The following KCNN2 variants were observed in gnomAD, a reference collection of about 807,000 sequenced individuals.
The protein encoded by KCNN2 is small conductance calcium-activated potassium channel protein 2.
KCNN2 carries 24 observed loss-of-function variants against 55.5 expected under a neutral mutation model. That is an observed-to-expected ratio of 0.43 (90% CI 0.31 to 0.61). The LOEUF (loss-of-function observed/expected upper bound fraction) is 0.61, where lower values mean the gene tolerates loss of function less well. KCNN2 is among the 20% of genes least tolerant of loss of function. The pLI, the probability that KCNN2 is intolerant of heterozygous loss-of-function variation, is 0.08. For missense variants in KCNN2, 754 were observed against 853.6 expected, an observed-to-expected ratio of 0.88 and a Z score of 1.45; for synonymous variants, 431 against 336.1, an observed-to-expected ratio of 1.28 and a Z score of -3.09.
intron 1 of KCNN2, among the ~76,000 whole-genome samples, chr5:114,204,294 A>G (rs765472175): frequency 3.3e-5 from 5 of 152,220 alleles, no homozygotes; most frequent in Non-Finnish European, 5.9e-5. Flanking sequence ...AAGGAAAATA[A>G]AATTGTTTGC....
At chr5:114,167,441 G>A (rs932898449) in intron 1 of KCNN2, among the ~76,000 whole-genome samples, 2 of 152,086 alleles carry the variant, frequency 1.3e-5, no homozygotes, top group Non-Finnish European at 2.9e-5. Context: ...GAAGTGATCA[G>A]ATGAGAATGC....
chr5:114,435,501 T>C (rs926990122), intron 3 of KCNN2, among the ~76,000 whole-genome samples: 1 of 152,172 alleles, frequency 6.6e-6, no homozygotes, highest in African/African-American at 2.4e-5. Flanking sequence ...CTTCATAGTA[T>C]TCTATCAGGT....
chr5:114,407,076 A>G (rs1758958892), intron 3 of KCNN2, among the ~76,000 whole-genome samples: 1 of 152,050 alleles, frequency 6.6e-6, no homozygotes, highest in Non-Finnish European at 1.5e-5. Flanking sequence ...TTGGTATTCT[A>G]AAATTACACA....
intron 1 of KCNN2, among the ~76,000 whole-genome samples, chr5:114,187,620 C>T (rs571286151): frequency 1.3e-5 from 2 of 150,124 alleles, no homozygotes; most frequent in East Asian, 2.0e-4. Context: ...ATTCTCCTGC[C>T]TCAGCCTCCT....
At chr5:114,252,593 T>G (rs1754888922) in intron 2 of KCNN2, among the ~76,000 whole-genome samples, 1 of 152,166 alleles carries the variant, frequency 6.6e-6, no homozygotes, top group Non-Finnish European at 1.5e-5. Flanking sequence ...AGAATTTCTT[T>G]TCTATTTAGT....
intron 2 of KCNN2, among the ~76,000 whole-genome samples, chr5:114,355,486 G>A (rs1757279699): frequency 6.6e-6 from 1 of 152,160 alleles, no homozygotes; most frequent in Non-Finnish European, 1.5e-5. Context: ...TTTCACCTCA[G>A]TATTTAGGGC....
Position 114,477,316 on chromosome 5 carries a change from T to G in KCNN2, c.1890+4152T>G, listed in dbSNP as rs190269649. Among the ~76,000 whole-genome samples, 7 of 152,332 alleles carry G rather than the reference T, an allele frequency of 4.6e-5. No homozygotes were observed. In the East Asian group the frequency reaches 1.3e-3, roughly 29 times the overall value. On this transcript the variant is annotated intron_variant, in intron 5 of 7. Transcript: ENST00000673685. ...TGTATCTTTAGTGAACTGAACAATT[T>G]CTGTGAAAAATTATTCACTATGTAC...
rs1225763375 is a variant in KCNN2 at position 114,404,530 on chromosome 5, T to C, written c.1311T>C (p.Ala437=). ...TCTGCTTGGAAATACTGGTGTGTGC[T>C]ATTCATCCCATACCTGGGAATTATA... is the stretch of plus-strand genomic sequence containing the variant. ...FFICLEILVC[A]IHPIPGNYTF... is the part of the protein sequence containing the mutation. Residue 437 remains alanine (A), a synonymous_variant, in exon 3 of 8, where the codon GCT becomes GCC. Coordinates refer to ENST00000673685, the MANE Select transcript of KCNN2 (RefSeq NM_021614.4). 6.2e-7 allele frequency: 1 copy of C among 1,613,638 alleles called. No individual in the cohort carries two copies. The highest frequency in any genetic ancestry group is 1.7e-5 in the Admixed American group (1 of 59,996).
chr5:114,122,438 T>A (rs1751845687), intron 1 of KCNN2, among the ~76,000 whole-genome samples: 1 of 152,198 alleles, frequency 6.6e-6, no homozygotes, highest in Non-Finnish European at 1.5e-5. Context: ...ATATATCTCT[T>A]TTCTACTCAT....
rs10579037 is a variant in KCNN2 at position 114,281,625 on chromosome 5, C to CTG, written c.-185+60082_-185+60083dup. On this transcript the variant is annotated intron_variant, in intron 2 of 10. Coordinates refer to the KCNN2 transcript ENST00000512097. ...TCTCTCTCTCCCCGCCCCTCCATCT[C>CTG]TGTGTGTGTGTGTGTGTGTGTGTTT... Among the ~76,000 whole-genome samples, 637 of 145,478 alleles carry CTG rather than the reference C, an allele frequency of 4.4e-3. 3 individuals are homozygous for CTG. The highest frequency in any genetic ancestry group is 7.4e-3 in the Non-Finnish European group (491 of 65,978).
At chr5:114,144,131 A>C (rs1476949939) in intron 1 of KCNN2, among the ~76,000 whole-genome samples, 1 of 152,172 alleles carries the variant, frequency 6.6e-6, no homozygotes, top group African/African-American at 2.4e-5. Flanking sequence ...AACTTAAATT[A>C]CCTTCAGTTC....
At chr5:114,445,301 G>A (rs1373037588) in intron 3 of KCNN2, among the ~76,000 whole-genome samples, 4 of 152,100 alleles carry the variant, frequency 2.6e-5, no homozygotes, top group African/African-American at 9.7e-5. Flanking sequence ...CCTACAACAT[G>A]CCTTACCTCC....
intron 5 of KCNN2, among the ~76,000 whole-genome samples, chr5:114,477,375 G>A (rs181845715): frequency 6.6e-6 from 1 of 152,048 alleles, no homozygotes; most frequent in Non-Finnish European, 1.5e-5. Context: ...TATAAAAGTT[G>A]TTTCTCTGTA....
intron 2 of KCNN2, among the ~76,000 whole-genome samples, chr5:114,293,279 A>C (rs1344631642): frequency 6.6e-6 from 1 of 152,134 alleles, no homozygotes; most frequent in Non-Finnish European, 1.5e-5. Flanking sequence ...CAGTTTTCAA[A>C]GGGAATGCTT....
intron 3 of KCNN2, among the ~76,000 whole-genome samples, chr5:114,411,847 A>T (rs1759145232): frequency 6.6e-6 from 1 of 152,206 alleles, no homozygotes; most frequent in South Asian, 2.1e-4. Context: ...ATGCTTTACC[A>T]GTTCTCTAGG....
Position 114,466,101 on chromosome 5 carries a change from C to T in KCNN2, c.1779+2911C>T, listed in dbSNP as rs146404339. On this transcript the variant is annotated intron_variant, in intron 4 of 7. Transcript: ENST00000673685. ...GAATTAAAGCTTAAGAGACCAAGAT[C>T]TCTTATTATTATTTTTATAAAATAA... Among the ~76,000 whole-genome samples the T allele has an allele frequency of 4.2e-4, 64 of 152,230 alleles. No individual in the cohort carries two copies. In the East Asian group the frequency reaches 0.012, roughly 28 times the overall value.
At chr5:114,186,974 TAAAG>T (rs1753346654) in intron 1 of KCNN2, among the ~76,000 whole-genome samples, 1 of 152,178 alleles carries the variant, frequency 6.6e-6, no homozygotes, top group Admixed American at 6.5e-5. Flanking sequence ...ATGAACATGG[TAAAG>T]AAGTCATAAA....
intron 1 of KCNN2, among the ~76,000 whole-genome samples, chr5:114,214,408 A>G (rs1180377632): frequency 6.6e-6 from 1 of 152,080 alleles, no homozygotes; most frequent in Non-Finnish European, 1.5e-5. Context: ...AGAAATAATG[A>G]ACACCTGGTA....
At chr5:114,081,800 A>G (rs987720172) in intron 1 of KCNN2, among the ~76,000 whole-genome samples, 4 of 152,192 alleles carry the variant, frequency 2.6e-5, no homozygotes, top group Non-Finnish European at 4.4e-5. Flanking sequence ...TTTGTGCTTC[A>G]TAAGACAGCA....
Sources: allele counts gnomAD v4.1 joint callset (sites outside exome capture counted in the v4.1 genomes callset), GRCh38; gene constraint gnomAD v4.1.1; transcripts MANE v1.5; gene names NCBI Gene and HGNC (gene_info 2026-07-23, HGNC 2026-07-21).